NOS1AP: variants seen among roughly 807,000 people sequenced by gnomAD.
The protein encoded by NOS1AP is carboxyl-terminal PDZ ligand of neuronal nitric oxide synthase protein.
In NOS1AP, 21 loss-of-function variants were observed where a neutral mutation model predicts 56.2. The observed-to-expected ratio is 0.37, with a 90% CI of 0.26 to 0.54. The LOEUF is 0.54. Among genes scored for constraint, NOS1AP ranks in the 20% least tolerant of loss-of-function variants. The pLI is 0.84. For synonymous variants in NOS1AP, 270 were observed against 274.6 expected (o/e 0.98, Z 0.17); for missense variants, 522 against 657.8 (o/e 0.79, Z 2.26).
chr1:162,219,895 AC>A (rs1388969587), intron 2 of NOS1AP, among the ~76,000 whole-genome samples: 1 of 152,190 alleles, frequency 6.6e-6, no homozygotes, highest in Non-Finnish European at 1.5e-5. Flanking sequence ...TAACATTGAC[AC>A]ATTAAATGCA....
intron 2 of NOS1AP, among the ~76,000 whole-genome samples, chr1:162,272,247 A>T (rs12729882): frequency 0.38 from 58,272 of 152,064 alleles, 13,923 homozygotes; most frequent in Non-Finnish European, 0.54. Flanking sequence ...CACCTCCTTG[A>T]AGCTGGGACA....
At chr1:162,286,341 G>T (rs551181873) in intron 2 of NOS1AP, among the ~76,000 whole-genome samples, 1 of 152,364 alleles carries the variant, frequency 6.6e-6, no homozygotes, top group South Asian at 2.1e-4. Context: ...GAGAAGGGAT[G>T]TGGGTGGGCT....
Position 162,333,072 on chromosome 1 carries a change from C to A in NOS1AP, c.400C>A (p.Arg134=), listed in dbSNP as rs771468647. Residue 134 remains arginine (R), a synonymous_variant, in exon 5 of 10, where the codon CGA becomes AGA. Transcript: ENST00000361897. ...QDLKIFSYIA[R]DGASNIFRCN... Reference sequence around the variant, plus strand: ...CTTGAAGATCTTCAGCTATATCGCTCGAGATGGTGCCAGCAATATCTTCAG... The same window carrying A: ...CTTGAAGATCTTCAGCTATATCGCTAGAGATGGTGCCAGCAATATCTTCAG... 3.2e-5 allele frequency: 52 copies of A among 1,613,892 alleles called. No individual in the cohort carries two copies. In the East Asian group the frequency reaches 5.6e-4, roughly 17 times the overall value.
intron 4 of NOS1AP, among the ~76,000 whole-genome samples, chr1:162,323,584 G>A (rs1431220795): frequency 1.3e-5 from 2 of 152,218 alleles, no homozygotes; most frequent in Non-Finnish European, 2.9e-5. Context: ...TGCTTAAGCA[G>A]TACCTGACAG....
At chr1:162,322,536 C>T (rs1656455964) in intron 4 of NOS1AP, among the ~76,000 whole-genome samples, 1 of 152,108 alleles carries the variant, frequency 6.6e-6, no homozygotes, top group Admixed American at 6.5e-5. Flanking sequence ...TGGGAATCCT[C>T]AGACGCTCAA....
At chr1:162,320,853 A>C (rs1329838376) in intron 4 of NOS1AP, among the ~76,000 whole-genome samples, 3 of 152,166 alleles carry the variant, frequency 2.0e-5, no homozygotes, top group African/African-American at 7.2e-5. Flanking sequence ...ACACCATCTC[A>C]AAAAAATAAA....
chr1:162,219,113 T>C (rs532144487), intron 2 of NOS1AP, among the ~76,000 whole-genome samples: 1 of 152,278 alleles, frequency 6.6e-6, no homozygotes, highest in East Asian at 1.9e-4. Flanking sequence ...CACTCCTTTA[T>C]TTACCAGCTC....
rs75002341 is a variant in NOS1AP, at chr1:162,116,583, T to A, written c.106-37822T>A. On this transcript the variant is annotated intron_variant, in intron 1 of 9. Transcript: ENST00000361897. ...AGTTAAATATGATAGATTCGTAGTATGTTACCTTGGAATCAGCCATAGTTA... is the reference window on the plus strand; with the variant it reads ...AGTTAAATATGATAGATTCGTAGTAAGTTACCTTGGAATCAGCCATAGTTA... Among the ~76,000 whole-genome samples the A allele has an allele frequency of 8.6e-3, 1,312 of 152,334 alleles. 11 individuals are homozygous for A. The highest frequency in any genetic ancestry group is 0.022 in the South Asian group (108 of 4,828).
intron 2 of NOS1AP, among the ~76,000 whole-genome samples, chr1:162,255,313 A>G (rs1329468031): frequency 6.6e-6 from 1 of 152,090 alleles, no homozygotes. Context: ...CAGAAGCTGC[A>G]TCTTTGCTGC....
At chr1:162,243,737 A>G (rs769074975) in intron 2 of NOS1AP, among the ~76,000 whole-genome samples, 1 of 152,238 alleles carries the variant, frequency 6.6e-6, no homozygotes, top group Non-Finnish European at 1.5e-5. Context: ...GTTTGAAATT[A>G]AAGAACTTTA....
In NOS1AP at chr1:162,154,396, C is replaced by T. The variant is rs1649844749; in HGVS notation, c.106-9C>T. Reference sequence around the variant, plus strand: ...CTCCTCTCAATGAGTGTTTGCTTCTCCCCCACAGTACGTAGGAAGCCTGGA... The same window carrying T: ...CTCCTCTCAATGAGTGTTTGCTTCTTCCCCACAGTACGTAGGAAGCCTGGA... On this transcript the variant is annotated splice_polypyrimidine_tract_variant and intron_variant, in intron 1 of 9. Transcript: ENST00000361897. 1.2e-6 allele frequency: 2 copies of T among 1,613,686 alleles called. No homozygotes were observed. Among genetic ancestry groups the T allele is most frequent in the African/African-American group, 1.3e-5 (1 of 74,910 alleles).
At chr1:162,117,064 C>T (rs531240457) in intron 1 of NOS1AP, among the ~76,000 whole-genome samples, 1 of 152,106 alleles carries the variant, frequency 6.6e-6, no homozygotes, top group Admixed American at 6.5e-5. Flanking sequence ...GATATGTATA[C>T]CCTAGCACTA....
chr1:162,305,364 G>T (rs1241148593), intron 4 of NOS1AP, among the ~76,000 whole-genome samples: 1 of 151,068 alleles, frequency 6.6e-6, no homozygotes, highest in Non-Finnish European at 1.5e-5. Context: ...ACACTATGGT[G>T]GACATCTAAA....
intron 1 of NOS1AP, among the ~76,000 whole-genome samples, chr1:162,096,636 A>G (rs1193513192): frequency 6.6e-6 from 1 of 152,204 alleles, no homozygotes; most frequent in East Asian, 1.9e-4. Flanking sequence ...ACATATGCAT[A>G]TATCCAATAA....
rs1465900832 is a variant in NOS1AP at position 162,287,381 on chromosome 1, T to C, written c.215T>C (p.Val72Ala). ...FKAKNIKKKK[V>A]SIMVSVDGVK... ...GCCAAGAACATCAAGAAGAAGAAAG[T>C]GAGCATTATGGTTTCAGTGGATGGA... The change falls in exon 3 of 10, where the codon GTG becomes GCG. Residue 72 changes from valine (V) to alanine (A), a missense_variant. By Grantham distance (64) the Val-to-Ala change is moderately conservative. Transcript: ENST00000361897. 6.2e-7 allele frequency: 1 copy of C among 1,612,914 alleles called. No individual in the cohort carries two copies. Among genetic ancestry groups the C allele is most frequent in the African/African-American group, 1.3e-5 (1 of 74,864 alleles).
chr1:162,100,114 G>A (rs1692348855), intron 1 of NOS1AP, among the ~76,000 whole-genome samples: 1 of 152,186 alleles, frequency 6.6e-6, no homozygotes, highest in Non-Finnish European at 1.5e-5. Flanking sequence ...TGTCTTTATA[G>A]CAGCATGATT....
intron 2 of NOS1AP, among the ~76,000 whole-genome samples, chr1:162,164,356 T>A (rs1158588270): frequency 1.3e-5 from 2 of 152,246 alleles, no homozygotes; most frequent in African/African-American, 2.4e-5. Context: ...GGCACACATA[T>A]GTATATGCAC....
chr1:162,279,057 C>G (rs558590474), intron 2 of NOS1AP, among the ~76,000 whole-genome samples: 1 of 152,228 alleles, frequency 6.6e-6, no homozygotes, highest in African/African-American at 2.4e-5. Context: ...TGCCATCCAC[C>G]TCTGTCTCTT....
intron 2 of NOS1AP, among the ~76,000 whole-genome samples, chr1:162,199,664 C>T (rs1651928123): frequency 6.7e-6 from 1 of 149,344 alleles, no homozygotes; most frequent in African/African-American, 2.5e-5. Context: ...TCTTGCAAAT[C>T]CTCCTGCCCT....
Sources: gnomAD v4.1 joint callset for allele counts (sites outside exome capture counted in the v4.1 genomes callset) on GRCh38, gnomAD v4.1.1 for gene constraint, MANE v1.5 for transcripts, NCBI Gene and HGNC (gene_info 2026-07-23, HGNC 2026-07-21) for gene names.